The following ARL1 variants were observed in gnomAD, a reference collection of about 807,000 sequenced individuals.
The protein encoded by ARL1 is ARF like GTPase 1, also known as ADP-ribosylation factor-like protein 1.
Under a neutral mutation model 30.1 loss-of-function variants are expected in ARL1, and 17 were observed. The ratio of observed to expected loss-of-function variants is 0.56; its 90% CI spans 0.39 to 0.85. The LOEUF (loss-of-function observed/expected upper bound fraction) is 0.85. ARL1 is among the 40% of genes least tolerant of loss of function. The pLI, the probability that ARL1 is intolerant of heterozygous loss-of-function variation, is 0.00. For missense variants in ARL1, 102 were observed against 212.6 expected (o/e 0.48, Z 3.24); for synonymous variants, 58 against 71.7 (o/e 0.81, Z 0.97).
intron 2 of ARL1, among the ~76,000 whole-genome samples, chr12:101,405,489 C>T (rs565095769): frequency 2.0e-5 from 3 of 152,308 alleles, no homozygotes; most frequent in South Asian, 4.1e-4. Flanking sequence ...CAGCCCAACC[C>T]GGCCGTAAAC....
At chr12:101,407,363 G>C (rs966092845) in intron 1 of ARL1, 4 of 422,994 alleles carry the variant, frequency 9.5e-6, no homozygotes, top group Admixed American at 4.3e-5. Flanking sequence ...CATGATAAGG[G>C]TAAAGAACTC....
At position 101,407,699 on chromosome 12, in the gene ARL1, T is replaced by G; in HGVS notation, c.-54A>C. On this transcript the variant is annotated 5_prime_UTR_variant, in exon 1 of 6. Transcript: ENST00000261636. ...CTTCAGTGATTCCTTGGCCTTCGGC[T>G]GCAGCTCCGAGGCGGTTTCCTCGCA... The G allele has an allele frequency of 6.2e-7, 1 of 1,610,568 alleles. No homozygotes were observed.
chr12:101,403,540 A>C (rs1469400607), intron 2 of ARL1: 1 of 179,084 alleles, frequency 5.6e-6, no homozygotes, highest in Non-Finnish European at 1.2e-5. Flanking sequence ...TGCAGCTTTC[A>C]ATCTCACAGC....
Position 101,395,308 on chromosome 12 carries a change from T to C in ARL1, c.*332A>G, listed in dbSNP as rs185942478. ...AGTATTTATACAAACAAGCTGCAACTACTATTCAAAAATAGGTTTTTTTCA... is the reference window on the plus strand; with the variant it reads ...AGTATTTATACAAACAAGCTGCAACCACTATTCAAAAATAGGTTTTTTTCA... On this transcript the variant is annotated 3_prime_UTR_variant, in exon 6 of 6. Transcript: ENST00000261636. 16 of 218,538 alleles carry C rather than the reference T, an allele frequency of 7.3e-5. No homozygotes were observed. The Admixed American group carries it at 9.2e-4, about 13-fold the overall frequency. 13.5% of individuals were successfully genotyped at this position (218,538 alleles called of 1,614,324 possible). A position where few individuals can be genotyped will look rare whatever the true frequency, so the allele number is the denominator to read the frequency against.
intron 2 of ARL1, among the ~76,000 whole-genome samples, chr12:101,405,303 A>T (rs1414061270): frequency 5.3e-5 from 8 of 152,230 alleles, no homozygotes; most frequent in South Asian, 4.1e-4. Context: ...CAGGAAAAAA[A>T]GGCACTTCAC....
In ARL1 at chr12:101,401,371, T is replaced by C. The variant is rs1871300195; in HGVS notation, c.225-198A>G. 6 of 424,822 alleles carry C rather than the reference T, an allele frequency of 1.4e-5. No homozygotes were observed. In the South Asian group the frequency reaches 2.2e-4, roughly 16 times the overall value. 26.3% of individuals were successfully genotyped at this position (424,822 alleles called of 1,614,324 possible). ...ATAAACATTGGCTGGGCACGGTGGC[T>C]CACATCTGTAATCCCAGCATTTTAG... On this transcript the variant is annotated intron_variant, in intron 3 of 5. Coordinates refer to ENST00000261636, the MANE Select transcript of ARL1 (RefSeq NM_001177.6).
rs532940295 is a variant in ARL1, at chr12:101,402,730, C to T, written c.224+135G>A. 28 of 509,292 alleles carry T rather than the reference C, an allele frequency of 5.5e-5. No individual in the cohort carries two copies. The South Asian group carries it at 1.4e-3, about 25-fold the overall frequency. 31.5% of individuals were successfully genotyped at this position (509,292 alleles called of 1,614,324 possible). A position where few individuals can be genotyped will look rare whatever the true frequency, so the allele number is the denominator to read the frequency against. On this transcript the variant is annotated intron_variant, in intron 3 of 5. Transcript: ENST00000261636. The stretch of plus-strand genomic sequence containing the variant: ...ATGGATGCTCTAAGGAAATAGTTCC[C>T]AATTTTACCTCATTTTAAACTAGGT...
At chr12:101,405,755 C>T in intron 2 of ARL1, 89 bp downstream of exon 2, 4 of 1,399,552 alleles carry the variant, frequency 2.9e-6, no homozygotes, top group Non-Finnish European at 3.8e-6. Context: ...CTGATCTCTA[C>T]TAAAACAAAC....
At position 101,403,060 on chromosome 12, in the gene ARL1, T is replaced by C. The variant is rs1871346072; in HGVS notation, c.143-114A>G. On this transcript the variant is annotated intron_variant, in intron 2 of 5. Coordinates refer to ENST00000261636, the MANE Select transcript of ARL1 (RefSeq NM_001177.6). ...GTAACTGTTATTAGAGTTTAAAATA[T>C]ATATATATATAATTTGTCTTAGGAT... 7.9e-6 allele frequency: 4 copies of C among 508,950 alleles called. No individual in the cohort carries two copies. The Admixed American group carries it at 1.4e-4, about 18-fold the overall frequency. 31.5% of individuals were successfully genotyped at this position (508,950 alleles called of 1,614,324 possible).
intron 4 of ARL1, among the ~76,000 whole-genome samples, chr12:101,397,889 T>C (rs1382397716): frequency 6.6e-6 from 1 of 152,190 alleles, no homozygotes; most frequent in Non-Finnish European, 1.5e-5. Context: ...CAAAAGATCT[T>C]GCTATGATTC....
At chr12:101,406,029 T>G (rs1416493246) in intron 1 of ARL1, 48 bp from the exon 2 acceptor site, 1 of 1,448,012 alleles carries the variant, frequency 6.9e-7, no homozygotes, top group East Asian at 2.5e-5. Context: ...TTTTGTGAAC[T>G]AGGTATACAA....
chr12:101,405,735 G>C (rs948049386), intron 2 of ARL1, 109 bp downstream of exon 2: 1 of 1,214,170 alleles, frequency 8.2e-7, no homozygotes, highest in Admixed American at 3.3e-5. Context: ...GGACAACATA[G>C]TGATGATACC....
At position 101,394,163 on chromosome 12, in the gene ARL1, G is replaced by C. The variant is rs1346581072; in HGVS notation, c.*1477C>G. The C allele has an allele frequency of 6.6e-6, 1 of 152,192 alleles. No individual in the cohort carries two copies. Among genetic ancestry groups the C allele is most frequent in the Non-Finnish European group, 1.5e-5 (1 of 68,096 alleles). 9.4% of individuals were successfully genotyped at this position (152,192 alleles called of 1,614,324 possible). On this transcript the variant is annotated 3_prime_UTR_variant, in exon 6 of 6. Transcript: ENST00000261636. Reference sequence around the variant, plus strand: ...ACGGGTGAAGGGAGAAAGCAGCAGAGAATGAATATAAGCCCGGAGAATGAA... The same window carrying C: ...ACGGGTGAAGGGAGAAAGCAGCAGACAATGAATATAAGCCCGGAGAATGAA...
rs114823684 is a variant in ARL1 at position 101,407,498 on chromosome 12, A to C, written c.4+144T>G. The C allele has an allele frequency of 1.6e-3, 1,734 of 1,082,148 alleles. 24 individuals carry two copies. The African/African-American group carries it at 0.024, about 15-fold the overall frequency. The allele number at this position is 1,082,148 out of a possible 1,614,324, so 67.0% of individuals were successfully genotyped here. On this transcript the variant is annotated intron_variant, in intron 1 of 5. Coordinates refer to ENST00000261636, the MANE Select transcript of ARL1 (RefSeq NM_001177.6). The stretch of plus-strand genomic sequence containing the variant: ...GATCCACCCCTACAGATGAAGATCC[A>C]AAGTGAGTCAAGTCCTCCGCGACCC...
rs1213836787 is a variant in ARL1 at position 101,407,463 on chromosome 12, CGA to C, written c.4+177_4+178del. 4 of 764,350 alleles carry C rather than the reference CGA, an allele frequency of 5.2e-6. No homozygotes were observed. The East Asian group carries it at 1.1e-4, about 21-fold the overall frequency. The allele number at this position is 764,350 out of a possible 1,614,324, so 47.3% of individuals were successfully genotyped here. A position where few individuals can be genotyped will look rare whatever the true frequency, so the allele number is the denominator to read the frequency against. ...AACCGAGAGAGGACGGAGGAGAACG[CGA>C]GAGGCCGGATCCACCCCTACAGATG... On this transcript the variant is annotated intron_variant, in intron 1 of 5. Coordinates refer to ENST00000261636, the MANE Select transcript of ARL1 (RefSeq NM_001177.6).
chr12:101,401,304 T>C (rs1484120082), intron 3 of ARL1, 131 bp from the exon 4 acceptor site: 3 of 625,942 alleles, frequency 4.8e-6, no homozygotes, highest in Non-Finnish European at 8.4e-6. Context: ...GGTGGATATA[T>C]GTACCATATC....
At position 101,401,152 on chromosome 12, in the gene ARL1, A is replaced by G. The variant is rs1871295346; in HGVS notation, c.246T>C (p.Tyr82=). Residue 82 remains tyrosine, a synonymous_variant, in exon 4 of 6, where the codon TAT becomes TAC. Transcript: ENST00000261636. The stretch of plus-strand genomic sequence containing the variant: ...CATAAATGACTGCATCTGTGTTTGA[A>G]TAGTAACATCTCCAGTATGGCCTAG... ...TSIRPYWRCY[Y]SNTDAVIYVV... The G allele has an allele frequency of 6.2e-7, 1 of 1,613,206 alleles. No homozygotes were observed. Among genetic ancestry groups the G allele is most frequent in the East Asian group, 2.2e-5 (1 of 44,856 alleles).
chr12:101,396,311 C>T (rs751433188), intron 5 of ARL1, 88 bp downstream of exon 5: 3 of 1,543,710 alleles, frequency 1.9e-6, no homozygotes, highest in Non-Finnish European at 1.8e-6. Context: ...AAGTTTCATC[C>T]TCAACACGGG....
chr12:101,393,683 G>A lies in ARL1; in HGVS notation c.*1957C>T, dbSNP rs2121097534. On this transcript the variant is annotated 3_prime_UTR_variant, in exon 6 of 6. Transcript: ENST00000261636. The stretch of plus-strand genomic sequence containing the variant: ...CAGGCTTAACCAAGTGCTGAACTTT[G>A]GGGCAACTTCATGCCCTAGGATTCA... 1 of 152,212 alleles carries A rather than the reference G, an allele frequency of 6.6e-6. No homozygotes were observed. The highest frequency in any genetic ancestry group is 1.9e-4 in the East Asian group (1 of 5,174). 9.4% of individuals were successfully genotyped at this position (152,212 alleles called of 1,614,324 possible).
Sources: gnomAD v4.1 joint callset for allele counts (sites outside exome capture counted in the v4.1 genomes callset) on GRCh38, gnomAD v4.1.1 for gene constraint, MANE v1.5 for transcripts, NCBI Gene and HGNC (gene_info 2026-07-23, HGNC 2026-07-21) for gene names.